Variants in CADPS observed in about 807,000 individuals in gnomAD.
The protein encoded by CADPS is calcium-dependent secretion activator 1.
CADPS carries 57 observed loss-of-function variants against 167.3 expected under a neutral mutation model. The observed-to-expected ratio is 0.34, with a 90% confidence interval of 0.28 to 0.42. The LOEUF is 0.42. Among genes scored for constraint, CADPS ranks in the 20% least tolerant of loss-of-function variants. The probability of loss-of-function intolerance (pLI) is 1.00; values close to 1 mark genes in which losing one functional copy is unlikely to be tolerated. For missense variants in CADPS, 1,414 were observed against 1,738.1 expected, an observed-to-expected ratio of 0.81 and a Z score of 3.32; for synonymous variants, 676 against 635.3, an observed-to-expected ratio of 1.06 and a Z score of -0.96.
chr3:62,817,555 T>A (rs2152911683), intron 1 of CADPS, among the ~76,000 whole-genome samples: 1 of 152,308 alleles, frequency 6.6e-6, no homozygotes, highest in South Asian at 2.1e-4. Flanking sequence ...CTTTAATCCC[T>A]TAGAACCATG....
At chr3:62,508,447 A>G (rs2067088112) in intron 17 of CADPS, among the ~76,000 whole-genome samples, 1 of 152,206 alleles carries the variant, frequency 6.6e-6, no homozygotes, top group African/African-American at 2.4e-5. Context: ...GTCATGTTCA[A>G]ATTTTGACTC....
chr3:62,811,508 T>A (rs1041540163), intron 1 of CADPS, among the ~76,000 whole-genome samples: 2 of 152,240 alleles, frequency 1.3e-5, no homozygotes, highest in Admixed American at 6.5e-5. Flanking sequence ...TTAAGGAATA[T>A]GGCATATGAC....
In CADPS at chr3:62,791,235, A is replaced by G. The variant is rs569543707; in HGVS notation, c.442-25251T>C. Among the ~76,000 whole-genome samples, 3 of 152,320 alleles carry G rather than the reference A, an allele frequency of 2.0e-5. No individual in the cohort carries two copies. The South Asian group carries it at 6.2e-4, about 32-fold the overall frequency. On this transcript the variant is annotated intron_variant, in intron 1 of 29. Transcript: ENST00000383710. ...CTTTTTGGAATGGTAGAAGTGCTCT[A>G]TATCTGCACTGTACAATATGGTAGA...
chr3:62,690,009 G>T (rs1911188), intron 3 of CADPS, among the ~76,000 whole-genome samples: 132,588 of 151,678 alleles, frequency 0.87, 58,112 homozygotes, highest in East Asian at 0.98. Flanking sequence ...ATTTTAGCTA[G>T]GAGAGGTACT....
At chr3:62,839,064 G>A (rs2076281443) in intron 1 of CADPS, among the ~76,000 whole-genome samples, 1 of 152,200 alleles carries the variant, frequency 6.6e-6, no homozygotes, top group African/African-American at 2.4e-5. Flanking sequence ...TCCAATGACA[G>A]ATTTATTCAG....
chr3:62,731,131 C>T (rs1016645034), intron 3 of CADPS, among the ~76,000 whole-genome samples: 4 of 152,116 alleles, frequency 2.6e-5, no homozygotes, highest in Non-Finnish European at 4.4e-5. Flanking sequence ...ATTAGTTTGG[C>T]CTTCCAATTC....
rs4396888 is a variant in CADPS at position 62,557,448 on chromosome 3, T to G, written c.1710A>C (p.Leu570=). The G allele has an allele frequency of 3.1e-6, 5 of 1,613,896 alleles. No homozygotes were observed. Among genetic ancestry groups the G allele is most frequent in the Admixed American group, 1.7e-5 (1 of 59,988 alleles). ...REKKAEPQEL[L]QLDGYTVDYT... ...AATCCACAGTGTAGCCATCCAATTGTAGAAGTTCCTGAGGCTCCGCTTTCT... is the reference window on the plus strand; with the variant it reads ...AATCCACAGTGTAGCCATCCAATTGGAGAAGTTCCTGAGGCTCCGCTTTCT... Residue 570 remains leucine (L), a synonymous_variant, in exon 10 of 30, where the codon CTA becomes CTC. Transcript: ENST00000383710.
Position 62,532,881 on chromosome 3 carries a change from G to A in CADPS, c.2281C>T (p.His761Tyr), listed in dbSNP as rs2074007587. 1 of 1,613,452 alleles carries A rather than the reference G, an allele frequency of 6.2e-7. No homozygotes were observed. Among genetic ancestry groups the A allele is most frequent in the Admixed American group, 1.7e-5 (1 of 59,976 alleles). Reference sequence around the variant, plus strand: ...CGAACACACACTTACCTGTTCCCATGGACATGGGATGCACAGAAGGCAAAG... The same window carrying A: ...CGAACACACACTTACCTGTTCCCATAGACATGGGATGCACAGAAGGCAAAG... The part of the protein sequence containing the change: ...YSFAFCASHV[H>Y]GNRPDGIGTV... The change falls in exon 13 of 30, where the codon CAT (histidine) becomes TAT (tyrosine). Residue 761 changes from histidine (H) to tyrosine (Y), a missense_variant. This residue lies in a region of CADPS where 529 missense variants were observed against 629.6 expected (regional missense o/e 0.84). Coordinates refer to ENST00000383710, the MANE Select transcript of CADPS (RefSeq NM_003716.4).
At chr3:62,596,003 C>T (rs149883257) in intron 6 of CADPS, among the ~76,000 whole-genome samples, 2,464 of 151,872 alleles carry the variant, frequency 0.016, 57 homozygotes, top group African/African-American at 0.057. Flanking sequence ...GCTCTTCTTG[C>T]TCCTCAGCTT....
At chr3:62,737,615 G>T (rs951117759) in intron 3 of CADPS, among the ~76,000 whole-genome samples, 8 of 152,110 alleles carry the variant, frequency 5.3e-5, no homozygotes, top group African/African-American at 1.7e-4. Flanking sequence ...TATAATCCTT[G>T]GAGTAAATCC....
At chr3:62,727,045 G>A (rs1026850711) in intron 3 of CADPS, among the ~76,000 whole-genome samples, 3 of 151,702 alleles carry the variant, frequency 2.0e-5, no homozygotes, top group African/African-American at 7.3e-5. Flanking sequence ...AAACACCTTG[G>A]AAAACTTCTT....
rs1430547136 is a variant in CADPS at position 62,626,636 on chromosome 3, A to G, written c.1325+19086T>C. The stretch of plus-strand genomic sequence containing the variant: ...AAATTTGCTAAGCCTTTTTTGTTGT[A>G]CAAAGAAGGCAATTTTGTTGACGTT... On this transcript the variant is annotated intron_variant, in intron 6 of 29. Transcript: ENST00000383710. The G allele has an allele frequency of 1.6e-5, 11 of 692,466 alleles. No individual in the cohort carries two copies. In the East Asian group the frequency reaches 3.0e-4, roughly 19 times the overall value. 42.9% of individuals were successfully genotyped at this position (692,466 alleles called of 1,614,324 possible).
Position 62,845,974 on chromosome 3 carries a change from A to G in CADPS, c.441+28615T>C, listed in dbSNP as rs1453557927. Among the ~76,000 whole-genome samples, 3 of 152,084 alleles carry G rather than the reference A, an allele frequency of 2.0e-5. No homozygotes were observed. In the East Asian group the frequency reaches 5.8e-4, roughly 29 times the overall value. On this transcript the variant is annotated intron_variant, in intron 1 of 29. Coordinates refer to ENST00000383710, the MANE Select transcript of CADPS (RefSeq NM_003716.4). ...TGGGAGGTGATTGGTTTAGGGGGGT[A>G]GATTTCCCCCTTCCTGTTCTCATGA...
intron 3 of CADPS, among the ~76,000 whole-genome samples, chr3:62,671,658 C>T (rs1355324844): frequency 6.6e-6 from 1 of 152,178 alleles, no homozygotes; most frequent in Non-Finnish European, 1.5e-5. Context: ...CTCCTGGCTG[C>T]ATATTTGAAT....
chr3:62,529,021 C>T (rs554415362), intron 13 of CADPS, among the ~76,000 whole-genome samples: 32 of 151,998 alleles, frequency 2.1e-4, no homozygotes, highest in African/African-American at 6.8e-4. Flanking sequence ...ATTAGCGGGG[C>T]GTGGTGGCAG....
At chr3:62,492,776 G>A (rs2063967709) in intron 19 of CADPS, among the ~76,000 whole-genome samples, 1 of 152,080 alleles carries the variant, frequency 6.6e-6, no homozygotes, top group Non-Finnish European at 1.5e-5. Flanking sequence ...ATTGTTGTTG[G>A]CTAGTTCTTG....
At chr3:62,547,587 C>CT (rs1553906057) in intron 11 of CADPS, among the ~76,000 whole-genome samples, 3 of 41,782 alleles carry the variant, frequency 7.2e-5, no homozygotes, top group African/African-American at 1.2e-4. Flanking sequence ...ATCATTTACG[C>CT]CCCCCCCCCC....
intron 26 of CADPS, 43 bp from the exon 27 acceptor site, chr3:62,445,840 GT>G (rs1560482661): frequency 7.1e-7 from 1 of 1,417,642 alleles, no homozygotes; most frequent in Non-Finnish European, 9.3e-7. Flanking sequence ...TGGTGTTTAT[GT>G]TTAATTGTTC....
At chr3:62,868,635 T>C (rs906331792) in intron 1 of CADPS, among the ~76,000 whole-genome samples, 1 of 152,160 alleles carries the variant, frequency 6.6e-6, no homozygotes. Context: ...CAATCTCTCA[T>C]GTAGTCTGCT....
Sources: allele counts gnomAD v4.1 joint callset (sites outside exome capture counted in the v4.1 genomes callset), GRCh38; gene constraint gnomAD v4.1.1; regional missense constraint gnomAD v4.1.1; transcripts MANE v1.5; gene names NCBI Gene and HGNC (gene_info 2026-07-23, HGNC 2026-07-21).